HDAC8: variants seen among roughly 807,000 people sequenced by gnomAD.
HDAC8 encodes histone deacetylase-like 1.
A neutral mutation model predicts 32.2 loss-of-function variants in HDAC8; 1 was observed. The observed-to-expected ratio is 0.03, with a 90% CI of 0.01 to 0.15. HDAC8 has a LOEUF of 0.15. HDAC8 is among the 10% of genes least tolerant of loss of function. The pLI is 1.00. For synonymous variants in HDAC8, 108 were observed against 113.9 expected (o/e 0.95, Z 0.33); for missense variants, 117 against 300.0 (o/e 0.39, Z 4.51).
chrX:72,554,499 AGCG>A (rs2051203370), intron 4 of HDAC8, among the ~76,000 whole-genome samples: 1 of 14,920 alleles, frequency 6.7e-5, no homozygotes, highest in Non-Finnish European at 8.3e-4. Context: ...GGGCGGGGGG[AGCG>A]GGGAGGGCGG....
chrX:72,483,516 A>T (rs1556004175), intron 7 of HDAC8, among the ~76,000 whole-genome samples: 2 of 111,776 alleles, frequency 1.8e-5, no homozygotes, highest in Non-Finnish European at 3.8e-5. Context: ...AGCTGAGCAG[A>T]TGCTGGCACC....
At chrX:72,330,193 G>T in intron 10 of HDAC8, 117 bp from the exon 11 acceptor site, 1 of 560,629 alleles carries the variant, frequency 1.8e-6, no homozygotes, top group Non-Finnish European at 2.9e-6. Context: ...GCTGCTCTTG[G>T]GAACTCTGTG....
chrX:72,572,499 T>TTCTGATACAGCTTTAGGTA (rs2052130459), intron 1 of HDAC8, 152 bp downstream of exon 1: 2 of 461,331 alleles, frequency 4.3e-6, no homozygotes, highest in Non-Finnish European at 7.5e-6. Flanking sequence ...GAACACTTCC[T>TTCTGATACAGCTTTAGGTA]TCTGATACAG....
At chrX:72,523,513 C>T (rs2050044219) in intron 4 of HDAC8, among the ~76,000 whole-genome samples, 1 of 111,143 alleles carries the variant, frequency 9.0e-6, no homozygotes, top group South Asian at 3.8e-4. Flanking sequence ...TTTATGGTTC[C>T]CTTCCTACAA....
At chrX:72,491,040 C>T in intron 5 of HDAC8, 34 bp from the exon 6 acceptor site, 2 of 981,697 alleles carry the variant, frequency 2.0e-6, no homozygotes, top group Middle Eastern at 2.6e-4. Flanking sequence ...AGAATCACTT[C>T]ACATATGGCA....
intron 9 of HDAC8, among the ~76,000 whole-genome samples, chrX:72,453,318 A>G (rs782761376): frequency 3.7e-5 from 4 of 109,191 alleles, no homozygotes; most frequent in Non-Finnish European, 7.6e-5. Context: ...TTAACCAGGC[A>G]TGGTGGAGTG....
At chrX:72,509,029 A>G (rs1324977497) in intron 4 of HDAC8, among the ~76,000 whole-genome samples, 2 of 111,238 alleles carry the variant, frequency 1.8e-5, no homozygotes, top group African/African-American at 6.5e-5. Flanking sequence ...CCTTACCTCC[A>G]AAAGTTTTTC....
chrX:72,383,568 G>C (rs1162903649), intron 9 of HDAC8, among the ~76,000 whole-genome samples: 1 of 111,856 alleles, frequency 8.9e-6, no homozygotes, highest in African/African-American at 3.3e-5. Flanking sequence ...GAATCCACAG[G>C]CTTTATTAAC....
intron 4 of HDAC8, among the ~76,000 whole-genome samples, chrX:72,549,485 G>A (rs782621457): frequency 3.6e-5 from 4 of 111,379 alleles, no homozygotes; most frequent in Non-Finnish European, 7.5e-5. Flanking sequence ...ATATTACCTG[G>A]GAGCTTGTTA....
At chrX:72,364,897 A>AT (rs1278330999) in intron 9 of HDAC8, among the ~76,000 whole-genome samples, 7 of 111,297 alleles carry the variant, frequency 6.3e-5, no homozygotes, top group Non-Finnish European at 1.1e-4. Flanking sequence ...ATGAGCAATG[A>AT]TTTTTTTTCC....
At chrX:72,551,351 G>T (rs1369596784) in intron 4 of HDAC8, among the ~76,000 whole-genome samples, 1 of 111,449 alleles carries the variant, frequency 9.0e-6, no homozygotes, top group Non-Finnish European at 1.9e-5. Flanking sequence ...ATGCAATTTT[G>T]TTTGAAAAAT....
intron 9 of HDAC8, among the ~76,000 whole-genome samples, chrX:72,388,094 G>A (rs1017351543): frequency 7.3e-5 from 8 of 110,280 alleles, no homozygotes; most frequent in African/African-American, 2.6e-4. Context: ...AGTGGAATCA[G>A]AGTTTAGGGC....
chrX:72,467,929 C>T (rs185955507), intron 7 of HDAC8: 20 of 1,161,297 alleles, frequency 1.7e-5, no homozygotes, highest in Non-Finnish European at 2.1e-5. Context: ...AGGATAAAGG[C>T]AGGCAGGTGT....
At chrX:72,504,208 T>A (rs1397574555) in intron 4 of HDAC8, among the ~76,000 whole-genome samples, 2 of 112,051 alleles carry the variant, frequency 1.8e-5, no homozygotes, top group Non-Finnish European at 3.8e-5. Context: ...TATTTTAAAG[T>A]GTACAATTTA....
chrX:72,392,820 C>T (rs1199406694), intron 9 of HDAC8, among the ~76,000 whole-genome samples: 5 of 111,789 alleles, frequency 4.5e-5, no homozygotes, highest in Admixed American at 1.9e-4. Flanking sequence ...GGAAATACAC[C>T]TATCTTGTAG....
chrX:72,426,051 A>G (rs782195522), intron 9 of HDAC8, among the ~76,000 whole-genome samples: 195 of 111,361 alleles, frequency 1.8e-3, no homozygotes, highest in African/African-American at 5.9e-3. Context: ...GGGTACCACC[A>G]CTGGTTTTTT....
chrX:72,519,280 G>A (rs944931536), intron 4 of HDAC8, among the ~76,000 whole-genome samples: 5 of 112,163 alleles, frequency 4.5e-5, no homozygotes, highest in Admixed American at 1.9e-4. Context: ...TTATGTGCAA[G>A]TCTTTGTGCA....
intron 9 of HDAC8, among the ~76,000 whole-genome samples, chrX:72,449,951 T>C (rs782529676): frequency 3.4e-4 from 38 of 112,295 alleles, no homozygotes; most frequent in Non-Finnish European, 5.8e-4. Flanking sequence ...TGAAAACTTA[T>C]ATCCACACAA....
intron 4 of HDAC8, among the ~76,000 whole-genome samples, chrX:72,529,554 G>A (rs2050263029): frequency 1.8e-5 from 2 of 112,088 alleles, no homozygotes; most frequent in African/African-American, 6.5e-5. Context: ...CTTGATTTTA[G>A]CCCTGTAAGA....
Sources: gnomAD v4.1 joint callset for allele counts (sites outside exome capture counted in the v4.1 genomes callset) on GRCh38, gnomAD v4.1.1 for gene constraint, MANE v1.5 for transcripts, NCBI Gene and HGNC (gene_info 2026-07-23, HGNC 2026-07-21) for gene names.